SDK2: variants seen among roughly 807,000 people sequenced by gnomAD.
The protein encoded by SDK2 is sidekick cell adhesion molecule 2, also known as protein sidekick-2.
SDK2 carries 105 observed loss-of-function variants against 253.9 expected under a neutral mutation model. The observed-to-expected ratio is 0.41, with a 90% CI of 0.35 to 0.49. The LOEUF (loss-of-function observed/expected upper bound fraction) is 0.49, where lower values mean the gene tolerates loss of function less well. SDK2 is among the 20% of genes least tolerant of loss of function. The pLI, the probability that SDK2 is intolerant of heterozygous loss-of-function variation, is 0.06. For synonymous variants in SDK2, 1,249 were observed against 1,234.9 expected, an observed-to-expected ratio of 1.01 and a Z score of -0.24; for missense variants, 2,608 against 3,003.0, an observed-to-expected ratio of 0.87 and a Z score of 3.07.
At chr17:73,355,426 A>C (rs1158346490) in intron 40 of SDK2, among the ~76,000 whole-genome samples, 1 of 151,446 alleles carries the variant, frequency 6.6e-6, no homozygotes, top group South Asian at 2.1e-4. Flanking sequence ...GGCTCACTGC[A>C]ACCTCCGGCT....
intron 1 of SDK2, among the ~76,000 whole-genome samples, chr17:73,584,115 C>A (rs2045572637): frequency 6.6e-6 from 1 of 152,226 alleles, no homozygotes. Context: ...CAGCTCCCTG[C>A]CCAGTGGGCA....
intron 1 of SDK2, among the ~76,000 whole-genome samples, chr17:73,594,610 A>AC (rs397744305): frequency 2.7e-4 from 41 of 151,792 alleles, no homozygotes; most frequent in Middle Eastern, 3.4e-3. Flanking sequence ...ACACACACAC[A>AC]ACACATACAA....
In SDK2 at chr17:73,358,197, T is replaced by C; in HGVS notation, c.5475A>G (p.Pro1825=). 1 of 1,602,456 alleles carries C rather than the reference T, an allele frequency of 6.2e-7. No homozygotes were observed. The highest frequency in any genetic ancestry group is 8.5e-7 in the Non-Finnish European group (1 of 1,176,742). ...NVTTGPGEGA[P]GPPGVPIIVR... ...CGATGATGGGCACGCCAGGCGGTCCTGGGGCACCTGCAGACAGCACACAGA... is the reference window on the plus strand; with the variant it reads ...CGATGATGGGCACGCCAGGCGGTCCCGGGGCACCTGCAGACAGCACACAGA... Residue 1825 remains proline, a synonymous_variant, in exon 40 of 45, where the codon CCA becomes CCG. Transcript: ENST00000392650.
intron 1 of SDK2, among the ~76,000 whole-genome samples, chr17:73,514,012 C>CTTTATACACACAATGT (rs1158031572): frequency 2.0e-5 from 3 of 152,200 alleles, no homozygotes; most frequent in Non-Finnish European, 2.9e-5. Context: ...GCTTTTCACT[C>CTTTATACACACAATGT]TATACCTTTG....
chr17:73,607,759 T>C (rs998490322), intron 1 of SDK2, among the ~76,000 whole-genome samples: 4 of 151,650 alleles, frequency 2.6e-5, no homozygotes, highest in African/African-American at 9.7e-5. Flanking sequence ...CTCGGGGACC[T>C]CCTAAGCTTC....
rs1212359072 is a variant in SDK2 at position 73,644,031 on chromosome 17, C to A, written c.58G>T (p.Ala20Ser). The change falls in exon 1 of 45, where the codon GCC (alanine) becomes TCC (serine). Residue 20 changes from alanine to serine, a missense_variant. Ala to Ser is a moderately conservative substitution (Grantham distance 99, BLOSUM62 1). This residue lies in a region of SDK2 where 1,505 missense variants were observed against 1,859.1 expected (regional missense o/e 0.81). Coordinates refer to ENST00000392650, the MANE Select transcript of SDK2 (RefSeq NM_001144952.2). The surrounding 1 kb of genome is among the most constrained non-coding windows in gnomAD (Gnocchi z 6.3). ...CGTGGGGGTCCCTCCTTACCTTGGG[C>A]TCTGGCCGCGCGGATCTGATGCAGA... The part of the protein sequence containing the change: ...LALHQIRAAR[A>S]QDDVSPYFKT... 7.4e-7 allele frequency: 1 copy of A among 1,352,008 alleles called. No homozygotes were observed. The allele number at this position is 1,352,008 out of a possible 1,614,324, so 83.8% of individuals were successfully genotyped here. A position where few individuals can be genotyped will look rare whatever the true frequency, so the allele number is the denominator to read the frequency against.
rs1337337086 is a variant in SDK2, at chr17:73,401,737, C to T, written c.2696G>A (p.Gly899Glu). 36 of 1,579,788 alleles carry T rather than the reference C, an allele frequency of 2.3e-5. No individual in the cohort carries two copies. The highest frequency in any genetic ancestry group is 3.0e-5 in the Non-Finnish European group (35 of 1,161,806). The change falls in exon 20 of 45, where the codon GGA becomes GAA. Residue 899 changes from glycine (G) to glutamate (E), a missense_variant. Physicochemically the swap from Gly to Glu is moderately conservative, Grantham distance 98 (BLOSUM62 -2). This residue lies in a region of SDK2 where 1,505 missense variants were observed against 1,859.1 expected (regional missense o/e 0.81). Transcript: ENST00000392650. Reference sequence around the variant, plus strand: ...CAGGATCTCACTGAAGCTCAGGTGTCCCACGGGCCCAGGCACTGCACCCCA... The same window carrying T: ...CAGGATCTCACTGAAGCTCAGGTGTTCCACGGGCCCAGGCACTGCACCCCA... ...RTHEDVPGPV[G>E]HLSFSEILDT...
rs117336703 is a variant in SDK2 at position 73,496,561 on chromosome 17, C to G, written c.224+10877G>C. 2.4e-3 allele frequency among the ~76,000 whole-genome samples: 363 copies of G among 152,202 alleles called. 2 individuals carry two copies. Among genetic ancestry groups the G allele is most frequent in the Non-Finnish European group, 3.7e-3 (251 of 68,014 alleles). On this transcript the variant is annotated intron_variant, in intron 2 of 44. Transcript: ENST00000392650. The surrounding 1 kb of genome is among the most constrained non-coding windows in gnomAD (Gnocchi z 4.7). ...GAGGAGGCTGGACAGATGGACAGGACCCGGTGATACAGGGTCTTGTACTCC... is the reference window on the plus strand; with the variant it reads ...GAGGAGGCTGGACAGATGGACAGGAGCCGGTGATACAGGGTCTTGTACTCC...
chr17:73,401,032 C>A lies in SDK2; in HGVS notation c.2959G>T (p.Gly987Trp), dbSNP rs867011026. ...GQVSASTISSGVPPELPGPPT... is the reference protein window; with the variant it reads ...GQVSASTISSWVPPELPGPPT... Reference sequence around the variant, plus strand: ...AGTGGGCACTTACCTGGGGGCACCCCAGAGGAGATGGTGGAGGCGGACACT... The same window carrying A: ...AGTGGGCACTTACCTGGGGGCACCCAAGAGGAGATGGTGGAGGCGGACACT... Residue 987 changes from glycine (G) to tryptophan (W), a missense_variant, in exon 21 of 45, where the codon GGG (glycine) becomes TGG (tryptophan). By Grantham distance (184) the Gly-to-Trp change is radical. Around this residue, in one of 2 missense-constraint regions of SDK2, gnomAD observed 1,505 missense variants for 1,859.1 expected, o/e 0.81. Coordinates refer to ENST00000392650, the MANE Select transcript of SDK2 (RefSeq NM_001144952.2). The A allele has an allele frequency of 3.8e-6, 6 of 1,573,932 alleles. No homozygotes were observed. Among genetic ancestry groups the A allele is most frequent in the Non-Finnish European group, 5.2e-6 (6 of 1,159,502 alleles).
rs117414531 is a variant in SDK2 at position 73,397,253 on chromosome 17, T to C, written c.3354+782A>G. ...TGCTCCACACGCCTCCTGGGATTGCTGCTCTGTGGGACACGTGCTGGGAAA... is the reference window on the plus strand; with the variant it reads ...TGCTCCACACGCCTCCTGGGATTGCCGCTCTGTGGGACACGTGCTGGGAAA... On this transcript the variant is annotated intron_variant, in intron 24 of 44. Transcript: ENST00000392650. Among the ~76,000 whole-genome samples, 343 of 152,298 alleles carry C rather than the reference T, an allele frequency of 2.3e-3. 3 individuals are homozygous for C. In the East Asian group the frequency reaches 0.023, roughly 10 times the overall value.
At chr17:73,543,453 A>G (rs950075683) in intron 1 of SDK2, among the ~76,000 whole-genome samples, 3 of 152,244 alleles carry the variant, frequency 2.0e-5, no homozygotes, top group African/African-American at 7.2e-5. Flanking sequence ...CTCCATGTGC[A>G]GATGCAGAGT....
intron 27 of SDK2, among the ~76,000 whole-genome samples, chr17:73,393,028 TGAG>T (rs936533007): frequency 5.3e-5 from 8 of 152,032 alleles, no homozygotes; most frequent in Non-Finnish European, 1.2e-4. Flanking sequence ...GTGGATTGCC[TGAG>T]GTCAGGAGTT....
At chr17:73,364,725 G>A (rs141780887) in intron 38 of SDK2, among the ~76,000 whole-genome samples, 3,655 of 152,172 alleles carry the variant, frequency 0.024, 74 homozygotes, top group Middle Eastern at 0.048. Context: ...GGGTTCAAGC[G>A]ATTCTCCTGC....
chr17:73,345,047 G>A (rs1431901924), intron 44 of SDK2, among the ~76,000 whole-genome samples: 6 of 152,120 alleles, frequency 3.9e-5, no homozygotes, highest in African/African-American at 1.4e-4. Flanking sequence ...GGCCGGGTGC[G>A]GTGGCTCACG....
At chr17:73,462,968 G>C (rs1472272765) in intron 3 of SDK2, among the ~76,000 whole-genome samples, 1 of 152,214 alleles carries the variant, frequency 6.6e-6, no homozygotes, top group Non-Finnish European at 1.5e-5. Flanking sequence ...ACACAGCCAT[G>C]TATGCACTGA....
chr17:73,619,003 C>CT (rs1478483831), intron 1 of SDK2, among the ~76,000 whole-genome samples: 1 of 152,000 alleles, frequency 6.6e-6, no homozygotes, highest in Non-Finnish European at 1.5e-5. Context: ...CTCACCTCTA[C>CT]TAAAAATACA....
intron 44 of SDK2, among the ~76,000 whole-genome samples, chr17:73,340,383 C>T (rs1474127864): frequency 6.6e-6 from 1 of 152,206 alleles, no homozygotes; most frequent in Non-Finnish European, 1.5e-5. Flanking sequence ...TATCCATGCC[C>T]CTGGCAACCA....
intron 1 of SDK2, among the ~76,000 whole-genome samples, chr17:73,615,036 C>A (rs1022012364): frequency 6.6e-6 from 1 of 150,610 alleles, no homozygotes; most frequent in Non-Finnish European, 1.5e-5. Context: ...ATGTTTGAAT[C>A]GTGCCTGACA....
chr17:73,565,756 G>A (rs2045302360), intron 1 of SDK2, among the ~76,000 whole-genome samples: 1 of 152,234 alleles, frequency 6.6e-6, no homozygotes, highest in African/African-American at 2.4e-5. Context: ...GAACGGCTTG[G>A]TGCCCTTCCC....
Sources: allele counts gnomAD v4.1 joint callset (sites outside exome capture counted in the v4.1 genomes callset), GRCh38; gene constraint gnomAD v4.1.1; regional missense constraint gnomAD v4.1.1; non-coding constraint Gnocchi (gnomAD v3.1); transcripts MANE v1.5; gene names NCBI Gene and HGNC (gene_info 2026-07-23, HGNC 2026-07-21).